Variants in PRKN observed in about 807,000 individuals in gnomAD.
The protein encoded by PRKN is E3 ubiquitin-protein ligase parkin.
In PRKN, 56 loss-of-function variants were observed where a neutral mutation model predicts 59.5. That is an observed-to-expected ratio of 0.94 (90% confidence interval 0.76 to 1.18). The LOEUF (loss-of-function observed/expected upper bound fraction) is 1.18, where lower values mean the gene tolerates loss of function less well. PRKN is among the 50% of genes most tolerant of loss of function. PRKN has a pLI of 0.00. For missense variants in PRKN, 657 were observed against 596.4 expected, an observed-to-expected ratio of 1.10 and a Z score of -1.06; for synonymous variants, 250 against 222.1, an observed-to-expected ratio of 1.13 and a Z score of -1.12.
rs545914291 is a variant in PRKN, at chr6:161,715,802, C to T, written c.871+69970G>A. Among the ~76,000 whole-genome samples, 12 of 152,244 alleles carry T rather than the reference C, an allele frequency of 7.9e-5. No individual in the cohort carries two copies. In the South Asian group the frequency reaches 1.7e-3, roughly 21 times the overall value. Reference sequence around the variant, plus strand: ...GAACCCCAGTCACTGGGGGGAATGACGGGAAGCTTCTCAGTCCTCACAAGC... The same window carrying T: ...GAACCCCAGTCACTGGGGGGAATGATGGGAAGCTTCTCAGTCCTCACAAGC... On this transcript the variant is annotated intron_variant, in intron 7 of 11. Transcript: ENST00000366898.
In PRKN at chr6:162,103,482, T is replaced by G. The variant is rs1052559723; in HGVS notation, c.535-49308A>C. 3.9e-5 allele frequency among the ~76,000 whole-genome samples: 6 copies of G among 152,150 alleles called. 1 individual carries two copies. The highest frequency in any genetic ancestry group is 4.1e-4 in the South Asian group (2 of 4,824). On this transcript the variant is annotated intron_variant, in intron 4 of 11. Coordinates refer to ENST00000366898, the MANE Select transcript of PRKN (RefSeq NM_004562.3). ...CAATGACTTAATAATAGTCCATAAC[T>G]TTACTATTAAAGCAAACAGAAAAGA...
At chr6:161,523,302 A>T (rs1778905444) in intron 9 of PRKN, among the ~76,000 whole-genome samples, 1 of 152,208 alleles carries the variant, frequency 6.6e-6, no homozygotes, top group Non-Finnish European at 1.5e-5. Flanking sequence ...ATCTACTGAT[A>T]CATCAGTTTA....
intron 2 of PRKN, among the ~76,000 whole-genome samples, chr6:162,382,242 A>T (rs1328515558): frequency 6.6e-6 from 1 of 150,574 alleles, no homozygotes; most frequent in Non-Finnish European, 1.5e-5. Context: ...AAATAATATT[A>T]ATCTCACAAA....
intron 3 of PRKN, among the ~76,000 whole-genome samples, chr6:162,243,230 T>TG (rs1779062785): frequency 6.6e-6 from 1 of 152,148 alleles, no homozygotes; most frequent in South Asian, 2.1e-4. Flanking sequence ...AATCACATTC[T>TG]GCTGTTGCTG....
At chr6:161,508,907 C>T (rs56854318) in intron 9 of PRKN, among the ~76,000 whole-genome samples, 12,232 of 151,168 alleles carry the variant, frequency 0.081, 722 homozygotes, top group African/African-American at 0.16. Flanking sequence ...TGCAATGGTG[C>T]GCTCTTGGCT....
chr6:161,981,190 C>T (rs1165596567), intron 5 of PRKN, among the ~76,000 whole-genome samples: 1 of 152,050 alleles, frequency 6.6e-6, no homozygotes, highest in Non-Finnish European at 1.5e-5. Context: ...CTCTCACAAA[C>T]CTAAAATCCT....
At chr6:162,004,833 G>C (rs757143601) in intron 5 of PRKN, among the ~76,000 whole-genome samples, 1 of 152,186 alleles carries the variant, frequency 6.6e-6, no homozygotes, top group Non-Finnish European at 1.5e-5. Context: ...ATATGATTAC[G>C]AATGGAAAGA....
At chr6:162,418,221 A>AAG (rs1788745860) in intron 2 of PRKN, among the ~76,000 whole-genome samples, 1 of 152,214 alleles carries the variant, frequency 6.6e-6, no homozygotes, top group African/African-American at 2.4e-5. Flanking sequence ...TGAAACTTGA[A>AAG]AACATTGTAC....
At chr6:162,542,006 T>C (rs746585905) in intron 1 of PRKN, among the ~76,000 whole-genome samples, 1 of 152,028 alleles carries the variant, frequency 6.6e-6, no homozygotes, top group Non-Finnish European at 1.5e-5. Context: ...GGCTGTTGTG[T>C]TTGGTGAGTT....
At position 161,644,762 on chromosome 6, in the gene PRKN, T is replaced by C. The variant is rs574701691; in HGVS notation, c.872-75346A>G. On this transcript the variant is annotated intron_variant, in intron 7 of 11. Transcript: ENST00000366898. ...CAGTAAACATGGCATGAGAGCCGAG[T>C]GAAGGGAAGACAGACAGCTTCGAGA... 3.7e-4 allele frequency among the ~76,000 whole-genome samples: 57 copies of C among 152,212 alleles called. 2 individuals carry two copies. The South Asian group carries it at 0.012, about 32-fold the overall frequency.
chr6:162,430,217 T>C (rs1054436131), intron 2 of PRKN, among the ~76,000 whole-genome samples: 1 of 152,054 alleles, frequency 6.6e-6, no homozygotes, highest in Admixed American at 6.5e-5. Flanking sequence ...GCAACTGACA[T>C]CATGGGGTGT....
chr6:162,615,444 T>C (rs934754016), intron 1 of PRKN, among the ~76,000 whole-genome samples: 1 of 54,116 alleles, frequency 1.8e-5, no homozygotes, highest in Admixed American at 2.6e-4. Context: ...TTCCATGAGA[T>C]GGATTTTTTT....
chr6:161,388,288 C>T lies in PRKN; in HGVS notation c.1084-1411G>A, dbSNP rs192037831. Among the ~76,000 whole-genome samples the T allele has an allele frequency of 1.3e-5, 2 of 152,216 alleles. No individual in the cohort carries two copies. The highest frequency in any genetic ancestry group is 2.4e-5 in the African/African-American group (1 of 41,464). On this transcript the variant is annotated intron_variant, in intron 9 of 11. Coordinates refer to ENST00000366898, the MANE Select transcript of PRKN (RefSeq NM_004562.3). This position sits in a 1 kb window ranked among gnomAD's most constrained non-coding sequence, Gnocchi z 4.3. ...GGGAGAGGTAGTGAGATAGCACATG[C>T]TGAGTGGCTACAATCACAGCATACA...
intron 7 of PRKN, among the ~76,000 whole-genome samples, chr6:161,647,151 G>C (rs1783986825): frequency 6.6e-6 from 1 of 152,174 alleles, no homozygotes. Context: ...CCAACTAGCT[G>C]TGTAACCCAG....
intron 5 of PRKN, among the ~76,000 whole-genome samples, chr6:162,008,561 T>A (rs1782353206): frequency 6.6e-6 from 1 of 152,144 alleles, no homozygotes; most frequent in African/African-American, 2.4e-5. Flanking sequence ...TTGAACAAAG[T>A]CTGGTGGTTA....
intron 2 of PRKN, among the ~76,000 whole-genome samples, chr6:162,387,555 C>CACAGAGAGAGAGAGAG (rs1212726833): frequency 1.0e-5 from 1 of 95,576 alleles, no homozygotes; most frequent in African/African-American, 4.1e-5. Flanking sequence ...CACACACACA[C>CACAGAGAGAGAGAGAG]AGAGAGAGAG....
In PRKN at chr6:162,626,335, A is replaced by C. The variant is rs7747991; in HGVS notation, c.7+101327T>G. On this transcript the variant is annotated intron_variant, in intron 1 of 11. Transcript: ENST00000366898. ...CTGTGCTATATTTGCAAAACACAAG[A>C]CCTCTCAGGGACAGCATAATACTTG... Among the ~76,000 whole-genome samples the C allele has an allele frequency of 6.9e-3, 1,051 of 152,162 alleles. 10 individuals carry two copies. The highest frequency in any genetic ancestry group is 0.023 in the African/African-American group (964 of 41,514).
At chr6:161,648,629 G>A (rs1264817944) in intron 7 of PRKN, among the ~76,000 whole-genome samples, 1 of 152,196 alleles carries the variant, frequency 6.6e-6, no homozygotes, top group African/African-American at 2.4e-5. Context: ...TTAACTGTGA[G>A]GTGTAGTTCA....
At chr6:162,545,668 C>T (rs1779089464) in intron 1 of PRKN, among the ~76,000 whole-genome samples, 1 of 152,118 alleles carries the variant, frequency 6.6e-6, no homozygotes, top group Non-Finnish European at 1.5e-5. Context: ...ACATTTATTA[C>T]TCCGAGGAAA....
Sources: allele counts gnomAD v4.1 joint callset (sites outside exome capture counted in the v4.1 genomes callset), GRCh38; gene constraint gnomAD v4.1.1; non-coding constraint Gnocchi (gnomAD v3.1); transcripts MANE v1.5; gene names NCBI Gene and HGNC (gene_info 2026-07-23, HGNC 2026-07-21).